The following TFDP2 variants were observed in gnomAD, a reference collection of about 807,000 sequenced individuals.
TFDP2 encodes transcription factor Dp-2 (E2F dimerization partner 2).
In TFDP2, 17 loss-of-function variants were observed where a neutral mutation model predicts 59.3. The ratio of observed to expected loss-of-function variants is 0.29; its 90% confidence interval spans 0.20 to 0.43. The LOEUF is 0.43. Among genes scored for constraint, TFDP2 ranks in the 20% least tolerant of loss-of-function variants. The pLI, the probability that TFDP2 is intolerant of heterozygous loss-of-function variation, is 1.00. For missense variants in TFDP2, 391 were observed against 528.8 expected (o/e 0.74, Z 2.56); for synonymous variants, 180 against 194.7 (o/e 0.92, Z 0.63).
At chr3:142,070,149 T>C (rs1184030293) in intron 3 of TFDP2, among the ~76,000 whole-genome samples, 1 of 151,816 alleles carries the variant, frequency 6.6e-6, no homozygotes, top group African/African-American at 2.4e-5. Flanking sequence ...TCAAGTAATC[T>C]GCCCATCTCG....
intron 3 of TFDP2, among the ~76,000 whole-genome samples, chr3:142,052,848 C>T (rs1025041346): frequency 6.6e-6 from 1 of 151,802 alleles, no homozygotes; most frequent in African/African-American, 2.4e-5. Flanking sequence ...CTTGCTCTGT[C>T]GCCCAGGCTG....
intron 3 of TFDP2, among the ~76,000 whole-genome samples, chr3:142,085,528 G>A (rs1353583992): frequency 2.6e-5 from 4 of 151,900 alleles, no homozygotes; most frequent in Non-Finnish European, 5.9e-5. Context: ...TTTTAATCTT[G>A]TGTATTTGAA....
At chr3:142,102,798 A>G (rs2061353497) in intron 1 of TFDP2, among the ~76,000 whole-genome samples, 1 of 152,228 alleles carries the variant, frequency 6.6e-6, no homozygotes, top group Non-Finnish European at 1.5e-5. Flanking sequence ...CGTTTGCCCA[A>G]TATGCAAAAT....
chr3:141,968,040 T>C (rs1013158984), intron 9 of TFDP2, among the ~76,000 whole-genome samples: 1 of 151,658 alleles, frequency 6.6e-6, no homozygotes, highest in African/African-American at 2.4e-5. Flanking sequence ...GTTTGGGGCA[T>C]GAGCTCTTAG....
At chr3:141,965,919 G>C (rs1937973875) in intron 9 of TFDP2, among the ~76,000 whole-genome samples, 2 of 151,912 alleles carry the variant, frequency 1.3e-5, no homozygotes, top group Non-Finnish European at 2.9e-5. Context: ...AGAATTACAT[G>C]CTTAAATACT....
chr3:142,035,479 T>C (rs1946649713), intron 3 of TFDP2, among the ~76,000 whole-genome samples: 1 of 152,192 alleles, frequency 6.6e-6, no homozygotes, highest in Admixed American at 6.5e-5. Context: ...TACATCTCCT[T>C]GGTCAAAAGT....
rs1032194421 is a variant in TFDP2 at position 141,950,618 on chromosome 3, G to C, written c.*1895C>G. 3 of 152,642 alleles carry C rather than the reference G, an allele frequency of 2.0e-5. No homozygotes were observed. Among genetic ancestry groups the C allele is most frequent in the Non-Finnish European group, 4.4e-5 (3 of 68,048 alleles). The allele number at this position is 152,642 out of a possible 1,614,324, so 9.5% of individuals were successfully genotyped here. ...GTTCAATATTTTGAAGACTACAAAG[G>C]TAGCAGTGGCTGTTGGCCTCTCCAG... On this transcript the variant is annotated 3_prime_UTR_variant, in exon 13 of 13. Transcript: ENST00000489671.
chr3:142,106,444 GTT>G (rs765048364), intron 1 of TFDP2, among the ~76,000 whole-genome samples: 12 of 152,140 alleles, frequency 7.9e-5, no homozygotes, highest in Non-Finnish European at 1.5e-4. Flanking sequence ...TAGTTTTAAA[GTT>G]TTTGTCTTTT....
chr3:142,038,110 C>T (rs1373235651), intron 3 of TFDP2, among the ~76,000 whole-genome samples: 1 of 152,122 alleles, frequency 6.6e-6, no homozygotes, highest in Non-Finnish European at 1.5e-5. Flanking sequence ...AAGGGCCAGG[C>T]GCAGTGGCAC....
chr3:142,026,131 A>G (rs1031803493), intron 3 of TFDP2, among the ~76,000 whole-genome samples: 1 of 152,156 alleles, frequency 6.6e-6, no homozygotes, highest in Non-Finnish European at 1.5e-5. Flanking sequence ...CGAGGTGGGC[A>G]GATCACGAGG....
intron 1 of TFDP2, among the ~76,000 whole-genome samples, chr3:142,132,395 A>G (rs1258147613): frequency 6.7e-6 from 1 of 150,018 alleles, no homozygotes; most frequent in Non-Finnish European, 1.5e-5. Flanking sequence ...ATGGCTGCAC[A>G]TATTTGTAAA....
chr3:142,077,263 T>C (rs1342179659), intron 3 of TFDP2, among the ~76,000 whole-genome samples: 1 of 152,142 alleles, frequency 6.6e-6, no homozygotes, highest in African/African-American at 2.4e-5. Flanking sequence ...CCAAAAAGAC[T>C]ACAACTCTTC....
chr3:142,007,722 T>C (rs2108277480), intron 3 of TFDP2, among the ~76,000 whole-genome samples: 1 of 152,314 alleles, frequency 6.6e-6, no homozygotes, highest in East Asian at 1.9e-4. Flanking sequence ...ATAGTGACAG[T>C]TCATCAGGCA....
Position 142,005,425 on chromosome 3 carries a change from T to G in TFDP2, c.186+16A>C. On this transcript the variant is annotated intron_variant, in intron 4 of 12. Coordinates refer to ENST00000489671, the MANE Select transcript of TFDP2 (RefSeq NM_001178139.2). ...CTAAACAAAGTTTCAATTCTAAGATTTGATAATTTTCTTACCATTTGGGGT... is the reference window on the plus strand; with the variant it reads ...CTAAACAAAGTTTCAATTCTAAGATGTGATAATTTTCTTACCATTTGGGGT... The G allele has an allele frequency of 5.8e-6, 9 of 1,547,134 alleles. No homozygotes were observed. Among genetic ancestry groups the G allele is most frequent in the Non-Finnish European group, 8.0e-6 (9 of 1,126,666 alleles).
rs1388247992 is a variant in TFDP2, at chr3:142,062,231, G to A, written c.82+30830C>T. On this transcript the variant is annotated intron_variant, in intron 3 of 12. Transcript: ENST00000489671. ...ACACAATCTATAACATACAAAATAT[G>A]GGTTACTTAACTGTTCATGTTATCG... Among the ~76,000 whole-genome samples the A allele has an allele frequency of 3.9e-5, 6 of 152,012 alleles. No individual in the cohort carries two copies. The South Asian group carries it at 1.2e-3, about 31-fold the overall frequency.
In TFDP2 at chr3:141,977,122, TTTTTTTCC is replaced by T. The variant is rs1426451883; in HGVS notation, c.519+1390_519+1397del. ...TATATATATATTTTTTTTTTTTTTT[TTTTTTTCC>T]CCCCAAAGAGACGAAGTCTTGCTTT... On this transcript the variant is annotated intron_variant, in intron 7 of 12. Transcript: ENST00000489671. Among the ~76,000 whole-genome samples, 101 of 107,940 alleles carry T rather than the reference TTTTTTTCC, an allele frequency of 9.4e-4. 1 individual carries two copies. The highest frequency in any genetic ancestry group is 2.8e-3 in the African/African-American group (77 of 27,324). The allele number at this position is 107,940 out of a possible 152,430, so 70.8% of individuals were successfully genotyped here.
chr3:142,064,742 GATA>G (rs961561763), intron 3 of TFDP2, among the ~76,000 whole-genome samples: 12 of 152,122 alleles, frequency 7.9e-5, no homozygotes, highest in African/African-American at 2.9e-4. Context: ...TGAAAAAAGG[GATA>G]ATAAGAGTTT....
At chr3:142,078,586 C>A (rs1329841565) in intron 3 of TFDP2, among the ~76,000 whole-genome samples, 1 of 152,158 alleles carries the variant, frequency 6.6e-6, no homozygotes, top group Non-Finnish European at 1.5e-5. Context: ...GTTTAAGGTA[C>A]CCCCTAATGC....
intron 11 of TFDP2, among the ~76,000 whole-genome samples, chr3:141,954,061 G>C (rs1936256233): frequency 6.6e-6 from 1 of 152,066 alleles, no homozygotes; most frequent in Non-Finnish European, 1.5e-5. Flanking sequence ...TCGGGAGGCT[G>C]AGGCAGGAGA....
Sources: allele counts gnomAD v4.1 joint callset (sites outside exome capture counted in the v4.1 genomes callset), GRCh38; gene constraint gnomAD v4.1.1; transcripts MANE v1.5; gene names NCBI Gene and HGNC (gene_info 2026-07-23, HGNC 2026-07-21).